SERAC1: variants seen among roughly 807,000 people sequenced by gnomAD.
SERAC1 encodes the protein serine active site containing 1.
Under a neutral mutation model 85.7 loss-of-function variants are expected in SERAC1, and 36 were observed. The observed-to-expected ratio is 0.42, with a 90% confidence interval of 0.32 to 0.55. The LOEUF (loss-of-function observed/expected upper bound fraction) is 0.55. Among genes scored for constraint, SERAC1 ranks in the 20% least tolerant of loss-of-function variants. SERAC1 has a pLI of 0.11. For synonymous variants in SERAC1, 242 were observed against 265.3 expected, an observed-to-expected ratio of 0.91 and a Z score of 0.85; for missense variants, 629 against 796.2, an observed-to-expected ratio of 0.79 and a Z score of 2.53.
intron 10 of SERAC1, among the ~76,000 whole-genome samples, chr6:158,125,895 T>C (rs1333315298): frequency 6.6e-6 from 1 of 151,296 alleles, no homozygotes; most frequent in East Asian, 1.9e-4. Flanking sequence ...AAACACAGTA[T>C]AAAAAGCCAA....
chr6:158,146,330 A>G (rs1019042441), intron 6 of SERAC1: 4 of 151,460 alleles, frequency 2.6e-5, no homozygotes, highest in African/African-American at 9.8e-5. Context: ...AATTTTTCAA[A>G]TACTTTCTAT....
intron 16 of SERAC1, chr6:158,111,815 G>A (rs559204058): frequency 1.5e-4 from 28 of 181,920 alleles, no homozygotes; most frequent in Admixed American, 4.1e-4. Flanking sequence ...TACACCTGCA[G>A]GTTATTGCTA....
At chr6:158,124,231 T>C (rs1358660281) in intron 10 of SERAC1, among the ~76,000 whole-genome samples, 1 of 152,126 alleles carries the variant, frequency 6.6e-6, no homozygotes, top group Non-Finnish European at 1.5e-5. Context: ...TCAATGAACC[T>C]GTAGATAGGT....
chr6:158,154,441 C>T (rs938473690), intron 3 of SERAC1, among the ~76,000 whole-genome samples: 1 of 152,132 alleles, frequency 6.6e-6, no homozygotes, highest in Non-Finnish European at 1.5e-5. Flanking sequence ...ATTACAATGT[C>T]ATGGAGAAAT....
intron 8 of SERAC1, among the ~76,000 whole-genome samples, chr6:158,131,453 CATT>C (rs1242267977): frequency 7.5e-6 from 1 of 132,796 alleles, no homozygotes; most frequent in East Asian, 2.1e-4. Flanking sequence ...AAATATAATT[CATT>C]ATATATAAAA....
intron 5 of SERAC1, among the ~76,000 whole-genome samples, chr6:158,147,394 A>T (rs1002342919): frequency 1.3e-5 from 2 of 151,668 alleles, no homozygotes; most frequent in African/African-American, 4.9e-5. Flanking sequence ...GGTGTCTTTC[A>T]TATGTGGTCA....
At chr6:158,129,411 AT>A (rs1280141651) in intron 9 of SERAC1, among the ~76,000 whole-genome samples, 1 of 152,214 alleles carries the variant, frequency 6.6e-6, no homozygotes, top group East Asian at 1.9e-4. Context: ...GATCACCTGC[AT>A]TCACCTCACC....
chr6:158,150,104 A>G (rs1785168006), intron 4 of SERAC1, among the ~76,000 whole-genome samples: 1 of 152,212 alleles, frequency 6.6e-6, no homozygotes, highest in Admixed American at 6.5e-5. Flanking sequence ...TACATCCCTT[A>G]AAGTAGAAAT....
At chr6:158,143,013 G>A in intron 8 of SERAC1, 43 bp downstream of exon 8, 1 of 1,500,728 alleles carries the variant, frequency 6.7e-7, no homozygotes, top group East Asian at 2.3e-5. Context: ...ATTGGAAAGG[G>A]TGGACACTCA....
chr6:158,162,215 C>A (rs576728841), intron 1 of SERAC1: 12 of 152,304 alleles, frequency 7.9e-5, no homozygotes, highest in African/African-American at 2.6e-4. Flanking sequence ...GGCTATTTAA[C>A]CTCTGTGTCT....
At position 158,149,543 on chromosome 6, in the gene SERAC1, C is replaced by T. The variant is rs1785156263; in HGVS notation, c.266-589G>A. 1.3e-5 allele frequency among the ~76,000 whole-genome samples: 2 copies of T among 152,136 alleles called. 1 individual carries two copies. The highest frequency in any genetic ancestry group is 4.8e-5 in the African/African-American group (2 of 41,416). On this transcript the variant is annotated intron_variant, in intron 4 of 16. Coordinates refer to ENST00000647468, the MANE Select transcript of SERAC1 (RefSeq NM_032861.4). Reference sequence around the variant, plus strand: ...AGCTAATGAAAATCCTCATATACAACATAGGTTTTGCAATATCCAGGAAAA... The same window carrying T: ...AGCTAATGAAAATCCTCATATACAATATAGGTTTTGCAATATCCAGGAAAA...
At chr6:158,139,844 C>T (rs1411257559) in intron 8 of SERAC1, among the ~76,000 whole-genome samples, 1 of 152,154 alleles carries the variant, frequency 6.6e-6, no homozygotes, top group African/African-American at 2.4e-5. Flanking sequence ...AAAAGATGCC[C>T]AACATCATTA....
chr6:158,155,440 T>C (rs1195624584), intron 2 of SERAC1, 89 bp from the exon 3 acceptor site: 2 of 712,470 alleles, frequency 2.8e-6, no homozygotes, highest in Admixed American at 2.6e-5. Flanking sequence ...ACCTATATCA[T>C]ATATTATCAG....
At chr6:158,125,331 A>C (rs1303785190) in intron 10 of SERAC1, among the ~76,000 whole-genome samples, 1 of 152,216 alleles carries the variant, frequency 6.6e-6, no homozygotes, top group East Asian at 1.9e-4. Flanking sequence ...AAAAATTTTT[A>C]AATAAAAAAA....
chr6:158,146,695 C>G, intron 6 of SERAC1, 87 bp downstream of exon 6: 2 of 1,539,636 alleles, frequency 1.3e-6, no homozygotes, highest in Non-Finnish European at 1.8e-6. Context: ...CAGGCGTGAG[C>G]CACCGCACCT....
chr6:158,115,109 T>C (rs1784254088), intron 14 of SERAC1, 138 bp from the exon 15 acceptor site: 7 of 862,270 alleles, frequency 8.1e-6, no homozygotes, highest in Non-Finnish European at 1.2e-5. Context: ...AACAATTCTC[T>C]GTACAGTAGT....
intron 6 of SERAC1, among the ~76,000 whole-genome samples, chr6:158,144,793 G>A (rs1583592383): frequency 6.6e-6 from 1 of 152,196 alleles, no homozygotes; most frequent in Admixed American, 6.5e-5. Context: ...CTACTGCTCC[G>A]TGGTGATGAT....
chr6:158,135,631 C>T (rs1397675818), intron 8 of SERAC1, among the ~76,000 whole-genome samples: 2 of 152,060 alleles, frequency 1.3e-5, no homozygotes, highest in East Asian at 1.9e-4. Flanking sequence ...TTTTCTGAAT[C>T]GATAACTGTA....
intron 7 of SERAC1, 51 bp downstream of exon 7, chr6:158,144,248 T>C (rs567637474): frequency 3.4e-5 from 49 of 1,459,254 alleles, no homozygotes; most frequent in Non-Finnish European, 4.0e-5. Context: ...GAAGATAATA[T>C]ATTAAACCAT....
Sources: gnomAD v4.1 joint callset for allele counts (sites outside exome capture counted in the v4.1 genomes callset) on GRCh38, gnomAD v4.1.1 for gene constraint, MANE v1.5 for transcripts, NCBI Gene and HGNC (gene_info 2026-07-23, HGNC 2026-07-21) for gene names.